The following ATP10B variants were observed in gnomAD, a reference collection of about 807,000 sequenced individuals.
ATP10B encodes phospholipid-transporting ATPase VB.
ATP10B carries 122 observed loss-of-function variants against 141.2 expected under a neutral mutation model. That is an observed-to-expected ratio of 0.86 (90% CI 0.75 to 1.00). The LOEUF (loss-of-function observed/expected upper bound fraction) is 1.00. ATP10B is among the 50% of genes least tolerant of loss of function. ATP10B has a pLI of 0.00. For missense variants in ATP10B, 1,876 were observed against 1,825.3 expected, an observed-to-expected ratio of 1.03 and a Z score of -0.51; for synonymous variants, 685 against 692.0, an observed-to-expected ratio of 0.99 and a Z score of 0.16.
intron 1 of ATP10B, among the ~76,000 whole-genome samples, chr5:160,832,870 A>G (rs957877254): frequency 1.4e-4 from 21 of 152,138 alleles, no homozygotes; most frequent in African/African-American, 4.1e-4. Context: ...ATTTTTATCA[A>G]TCTTTTATGG....
rs1272607557 is a variant in ATP10B, at chr5:160,564,742, A to G, written c.*711T>C. 1 of 152,182 alleles carries G rather than the reference A, an allele frequency of 6.6e-6. No homozygotes were observed. The highest frequency in any genetic ancestry group is 1.9e-4 in the East Asian group (1 of 5,198). The allele number at this position is 152,182 out of a possible 1,614,324, so 9.4% of individuals were successfully genotyped here. A position where few individuals can be genotyped will look rare whatever the true frequency, so the allele number is the denominator to read the frequency against. On this transcript the variant is annotated 3_prime_UTR_variant, in exon 26 of 26. Transcript: ENST00000327245. ...GTGGGACATATGGTCTGTCAGCCAA[A>G]ACAGGGGTCTCTGGTGCACCCGTTC...
the ATP10B span, among the ~76,000 whole-genome samples, chr5:160,872,792 T>C: frequency 0.13 from 20,072 of 152,202 alleles, 1,401 homozygotes; most frequent in African/African-American, 0.16. Context: ...AGAGTATAGT[T>C]TGATATCAGG....
intron 2 of ATP10B, among the ~76,000 whole-genome samples, chr5:160,719,613 TCAAGAG>T (rs1211761821): frequency 1.3e-5 from 2 of 152,208 alleles, no homozygotes; most frequent in Non-Finnish European, 2.9e-5. Context: ...CATAGGACAT[TCAAGAG>T]ATCCGTATGT....
intron 1 of ATP10B, among the ~76,000 whole-genome samples, chr5:160,815,406 T>C (rs908004971): frequency 2.0e-5 from 3 of 152,136 alleles, no homozygotes; most frequent in African/African-American, 7.2e-5. Context: ...CATTACATAA[T>C]GGTAAAGGGA....
Position 160,688,113 on chromosome 5 carries a change from G to T in ATP10B, c.-20-19C>A. On this transcript the variant is annotated intron_variant, in intron 4 of 25. Coordinates refer to ENST00000327245, the MANE Select transcript of ATP10B (RefSeq NM_025153.3). The stretch of plus-strand genomic sequence containing the variant: ...CGAAGATCTGAAAACAGACACAGGA[G>T]GAGCTATGTTTAGGAGAAACGTGCA... 6.3e-7 allele frequency: 1 copy of T among 1,595,028 alleles called. No individual in the cohort carries two copies. The highest frequency in any genetic ancestry group is 8.5e-7 in the Non-Finnish European group (1 of 1,170,644).
chr5:160,821,106 G>T (rs1283065010), intron 1 of ATP10B, among the ~76,000 whole-genome samples: 1 of 151,986 alleles, frequency 6.6e-6, no homozygotes, highest in Non-Finnish European at 1.5e-5. Flanking sequence ...TCTTATATTT[G>T]GAAATACCTA....
intron 1 of ATP10B, among the ~76,000 whole-genome samples, chr5:160,836,653 G>A (rs1775453339): frequency 1.3e-5 from 2 of 152,108 alleles, no homozygotes; most frequent in South Asian, 4.1e-4. Flanking sequence ...CAACAAGGCA[G>A]TGAAATTATT....
At chr5:160,821,417 A>C (rs1378567376) in intron 1 of ATP10B, among the ~76,000 whole-genome samples, 1 of 152,142 alleles carries the variant, frequency 6.6e-6, no homozygotes, top group Non-Finnish European at 1.5e-5. Context: ...AAGAATCAAT[A>C]CTGTTAAAAT....
chr5:160,580,127 C>T (rs1469716570), intron 24 of ATP10B, among the ~76,000 whole-genome samples: 1 of 152,220 alleles, frequency 6.6e-6, no homozygotes, highest in African/African-American at 2.4e-5. Context: ...TTGACTTCCT[C>T]TTCTCCTATT....
At chr5:160,645,661 A>C (rs1322880522) in intron 8 of ATP10B, among the ~76,000 whole-genome samples, 1 of 152,212 alleles carries the variant, frequency 6.6e-6, no homozygotes, top group Non-Finnish European at 1.5e-5. Flanking sequence ...CCTTTACTCT[A>C]TCCTGATGCC....
chr5:160,648,890 A>G (rs762394649), intron 8 of ATP10B, among the ~76,000 whole-genome samples: 13 of 151,226 alleles, frequency 8.6e-5, no homozygotes, highest in Non-Finnish European at 1.8e-4. Flanking sequence ...TTCCTGAATC[A>G]GAGCACAATC....
intron 18 of ATP10B, among the ~76,000 whole-genome samples, chr5:160,609,316 G>A (rs1581195205): frequency 2.0e-5 from 3 of 152,056 alleles, no homozygotes; most frequent in African/African-American, 4.8e-5. Flanking sequence ...GAAGGGCCAG[G>A]GTTGGGGAAC....
intron 7 of ATP10B, among the ~76,000 whole-genome samples, chr5:160,654,214 C>G (rs1761309606): frequency 6.6e-6 from 1 of 151,716 alleles, no homozygotes; most frequent in Non-Finnish European, 1.5e-5. Context: ...AGCCTCCTGC[C>G]TCAACCTCCC....
At chr5:160,709,765 C>T (rs1581395710) in intron 3 of ATP10B, among the ~76,000 whole-genome samples, 2 of 114,090 alleles carry the variant, frequency 1.8e-5, no homozygotes, top group Non-Finnish European at 3.6e-5. Flanking sequence ...CCCCCCTCCC[C>T]CGACCCCACC....
chr5:160,807,052 C>A lies in ATP10B; in HGVS notation c.-575-21249G>T, dbSNP rs543222966. ...TCAACCCAGTAAAGAGAGAATCTAG[C>A]AATAAATTAGAACCATGGTAGAAAA... On this transcript the variant is annotated intron_variant, in intron 1 of 25. Coordinates refer to ENST00000327245, the MANE Select transcript of ATP10B (RefSeq NM_025153.3). 2.6e-5 allele frequency among the ~76,000 whole-genome samples: 4 copies of A among 152,000 alleles called. No homozygotes were observed. In the South Asian group the frequency reaches 8.3e-4, roughly 31 times the overall value.
At chr5:160,777,150 G>A (rs1770392363) in intron 2 of ATP10B, among the ~76,000 whole-genome samples, 1 of 152,210 alleles carries the variant, frequency 6.6e-6, no homozygotes, top group African/African-American at 2.4e-5. Flanking sequence ...GATATTCAGA[G>A]CTATGGAAGG....
intron 1 of ATP10B, among the ~76,000 whole-genome samples, chr5:160,848,986 G>T (rs910814533): frequency 1.3e-5 from 2 of 152,170 alleles, no homozygotes; most frequent in Non-Finnish European, 2.9e-5. Flanking sequence ...TCACCTGAAG[G>T]CCTATTTAAA....
In ATP10B at chr5:160,613,155, C is replaced by T. The variant is rs1370607045; in HGVS notation, c.2654-230G>A. Among the ~76,000 whole-genome samples the T allele has an allele frequency of 2.0e-5, 3 of 152,086 alleles. No homozygotes were observed. In the East Asian group the frequency reaches 5.8e-4, roughly 29 times the overall value. ...ATATAATGAAAGAAAGTCAGGATACCATGCGAATATACACCAGGAGACCTG... is the reference window on the plus strand; with the variant it reads ...ATATAATGAAAGAAAGTCAGGATACTATGCGAATATACACCAGGAGACCTG... On this transcript the variant is annotated intron_variant, in intron 17 of 25. Coordinates refer to ENST00000327245, the MANE Select transcript of ATP10B (RefSeq NM_025153.3).
intron 1 of ATP10B, among the ~76,000 whole-genome samples, chr5:160,843,594 T>G (rs1025762718): frequency 1.3e-5 from 2 of 152,092 alleles, no homozygotes; most frequent in African/African-American, 4.8e-5. Flanking sequence ...AATCTGCAGT[T>G]CATTAAAAAA....
Sources: allele counts gnomAD v4.1 joint callset (sites outside exome capture counted in the v4.1 genomes callset), GRCh38; gene constraint gnomAD v4.1.1; transcripts MANE v1.5; gene names NCBI Gene and HGNC (gene_info 2026-07-23, HGNC 2026-07-21).